Variants in ANKRD36C observed in about 807,000 individuals in gnomAD.
ANKRD36C encodes the protein ankyrin repeat domain-containing protein 36C.
ANKRD36C carries 61 observed loss-of-function variants against 276.4 expected under a neutral mutation model. The ratio of observed to expected loss-of-function variants is 0.22; its 90% CI spans 0.18 to 0.27. The LOEUF (loss-of-function observed/expected upper bound fraction) is 0.27. Among genes scored for constraint, ANKRD36C ranks in the 10% least tolerant of loss-of-function variants. The probability of loss-of-function intolerance (pLI) is 1.00; values close to 1 mark genes in which losing one functional copy is unlikely to be tolerated. For missense variants in ANKRD36C, 1,447 were observed against 2,032.3 expected, an observed-to-expected ratio of 0.71 and a Z score of 5.54; for synonymous variants, 483 against 680.1, an observed-to-expected ratio of 0.71 and a Z score of 4.51.
rs887961929 is a variant in ANKRD36C at position 95,913,945 on chromosome 2, C to G, written c.2551+163G>C. On this transcript the variant is annotated intron_variant, in intron 40 of 66. Transcript: ENST00000456556. Reference sequence around the variant, plus strand: ...CTTACAGCGAAGATGATGTTCCAGACCAGCAGCATCAGCATCACCCAAGAA... The same window carrying G: ...CTTACAGCGAAGATGATGTTCCAGAGCAGCAGCATCAGCATCACCCAAGAA... Among the ~76,000 whole-genome samples, 5 of 151,460 alleles carry G rather than the reference C, an allele frequency of 3.3e-5. No homozygotes were observed. In the South Asian group the frequency reaches 8.3e-4, roughly 25 times the overall value.
exon 40 of ANKRD36C, chr2:95,914,112 C>G (rs1173547860): frequency 3.8e-6 from 6 of 1,566,318 alleles, no homozygotes; most frequent in Non-Finnish European, 5.2e-6. Flanking sequence ...AATTACCTCT[C>G]CTAGTTTTTT....
rs191095437 is a variant in ANKRD36C at position 95,966,296 on chromosome 2, T to C, written c.800-3749A>G. Reference sequence around the variant, plus strand: ...GGTTTTCATCCAGGGTTTTTATACATTGAGAACTTACTTTTAAGTCTTTAA... The same window carrying C: ...GGTTTTCATCCAGGGTTTTTATACACTGAGAACTTACTTTTAAGTCTTTAA... On this transcript the variant is annotated intron_variant, in intron 6 of 66. Transcript: ENST00000456556. Among the ~76,000 whole-genome samples, 695 of 152,312 alleles carry C rather than the reference T, an allele frequency of 4.6e-3. 3 individuals are homozygous for C. Among genetic ancestry groups the C allele is most frequent in the Non-Finnish European group, 7.0e-3 (473 of 68,010 alleles).
At chr2:95,947,645 GATCATAGAAAT>G (rs768056280) in intron 17 of ANKRD36C, among the ~76,000 whole-genome samples, 4 of 152,054 alleles carry the variant, frequency 2.6e-5, no homozygotes, top group Non-Finnish European at 1.5e-5. Context: ...ATTAAAGTCT[GATCATAGAAAT>G]ATGAAGAGTC....
At chr2:95,963,997 A>ATATT (rs1302952783) in intron 6 of ANKRD36C, among the ~76,000 whole-genome samples, 3 of 26,066 alleles carry the variant, frequency 1.2e-4, no homozygotes, top group Non-Finnish European at 2.0e-4. Context: ...ATATATATAT[A>ATATT]TATATATATA....
chr2:95,849,698 T>C (rs1208173317), downstream of ANKRD36C, among the ~76,000 whole-genome samples: 1 of 152,232 alleles, frequency 6.6e-6, no homozygotes, highest in Non-Finnish European at 1.5e-5. Flanking sequence ...AAGGAGACAA[T>C]GACATATCAT....
At chr2:95,982,408 A>G (rs1172669872) in intron 3 of ANKRD36C, 46 bp from the exon 4 acceptor site, 1 of 1,445,032 alleles carries the variant, frequency 6.9e-7, no homozygotes, top group Admixed American at 2.1e-5. Context: ...TTACATATTT[A>G]TCAACTGAAA....
At chr2:95,957,552 T>A (rs1445674672) in intron 12 of ANKRD36C, among the ~76,000 whole-genome samples, 1 of 152,294 alleles carries the variant, frequency 6.6e-6, no homozygotes, top group Non-Finnish European at 1.5e-5. Context: ...GAAACTTTTG[T>A]CAGTAACTCA....
intron 58 of ANKRD36C, among the ~76,000 whole-genome samples, chr2:95,878,433 A>C (rs935421888): frequency 6.6e-6 from 1 of 152,184 alleles, no homozygotes; most frequent in African/African-American, 2.4e-5. Context: ...ATTTAAAAAA[A>C]TAGGTTTCTT....
At chr2:95,864,537 G>T (rs1675646467) in intron 60 of ANKRD36C, among the ~76,000 whole-genome samples, 1 of 151,890 alleles carries the variant, frequency 6.6e-6, no homozygotes. Context: ...TTGTAGCATT[G>T]TTCTGAAGAT....
At chr2:95,869,872 G>A (rs565487360) in intron 59 of ANKRD36C, among the ~76,000 whole-genome samples, 1 of 152,378 alleles carries the variant, frequency 6.6e-6, no homozygotes, top group South Asian at 2.1e-4. Context: ...CCTGCACCTG[G>A]CTCAGAGGGT....
Position 95,919,956 on chromosome 2 carries a change from T to G in ANKRD36C, c.2245+1651A>C, listed in dbSNP as rs182828404. 2.6e-4 allele frequency: 393 copies of G among 1,521,186 alleles called. 48 individuals are homozygous for G. The African/African-American group carries it at 5.1e-3, about 20-fold the overall frequency. The allele number at this position is 1,521,186 out of a possible 1,614,324, so 94.2% of individuals were successfully genotyped here. A position where few individuals can be genotyped will look rare whatever the true frequency, so the allele number is the denominator to read the frequency against. ...AAAGGGATACATAATCACTCATATA[T>G]AAATATGATAAAGTTATCCATACAT... On this transcript the variant is annotated intron_variant, in intron 34 of 66. Transcript: ENST00000456556.
chr2:95,855,778 T>C, exon 63 of ANKRD36C: 2 of 1,613,910 alleles, frequency 1.2e-6, no homozygotes, highest in Middle Eastern at 3.3e-4. Flanking sequence ...TTATCTACTG[T>C]GCCCTGGAAA....
chr2:95,924,107 T>G (rs561991105), intron 30 of ANKRD36C, among the ~76,000 whole-genome samples: 1 of 151,712 alleles, frequency 6.6e-6, no homozygotes, highest in African/African-American at 2.4e-5. Flanking sequence ...ACATTCATCA[T>G]GCTCTTTAAC....
chr2:95,874,129 A>G (rs1198393381), intron 59 of ANKRD36C, among the ~76,000 whole-genome samples: 5 of 152,164 alleles, frequency 3.3e-5, no homozygotes, highest in African/African-American at 1.2e-4. Flanking sequence ...ATTCAATGCC[A>G]TCACCATCAA....
intron 42 of ANKRD36C, 151 bp downstream of exon 50, chr2:95,906,480 T>C: frequency 2.8e-6 from 1 of 352,736 alleles, no homozygotes; most frequent in Non-Finnish European, 5.0e-6. Flanking sequence ...ACCAGCAGCA[T>C]CAGCATAACC....
chr2:95,880,375 A>G (rs1573736350), intron 58 of ANKRD36C, 52 bp downstream of exon 78: 4 of 1,291,252 alleles, frequency 3.1e-6, no homozygotes, highest in Non-Finnish European at 3.2e-6. Flanking sequence ...TGAGCATTAC[A>G]AACAGATTAA....
At chr2:95,948,672 T>C in intron 16 of ANKRD36C, 76 bp from the exon 17 acceptor site, 1 of 1,347,208 alleles carries the variant, frequency 7.4e-7, no homozygotes, top group Non-Finnish European at 1.0e-6. Context: ...AGTCTATACA[T>C]GCAGGTCCCC....
At chr2:95,909,052 C>T (rs1242509491) in intron 42 of ANKRD36C, among the ~76,000 whole-genome samples, 3 of 151,090 alleles carry the variant, frequency 2.0e-5, no homozygotes, top group Non-Finnish European at 4.4e-5. Flanking sequence ...GCAGGTGCTA[C>T]ATGATCCCAC....
At chr2:95,888,415 T>C (rs1676253193) in intron 48 of ANKRD36C, among the ~76,000 whole-genome samples, 1 of 151,744 alleles carries the variant, frequency 6.6e-6, no homozygotes, top group South Asian at 2.1e-4. Context: ...AGGACAAATG[T>C]GATCTAAAAT....
Sources: gnomAD v4.1 joint callset for allele counts (sites outside exome capture counted in the v4.1 genomes callset) on GRCh38, gnomAD v4.1.1 for gene constraint, MANE v1.5 for transcripts, NCBI Gene and HGNC (gene_info 2026-07-23, HGNC 2026-07-21) for gene names.